The following CDH13 variants were observed in gnomAD, a reference collection of about 807,000 sequenced individuals.
The protein encoded by CDH13 is cadherin 13.
A neutral mutation model predicts 63.8 loss-of-function variants in CDH13; 24 were observed. The observed-to-expected ratio is 0.38, with a 90% CI of 0.27 to 0.53. The LOEUF (loss-of-function observed/expected upper bound fraction) is 0.53, where lower values mean the gene tolerates loss of function less well. CDH13 is among the 20% of genes least tolerant of loss of function. CDH13 has a pLI of 0.85. For missense variants in CDH13, 1,049 were observed against 903.1 expected (o/e 1.16, Z -2.07); for synonymous variants, 503 against 355.3 (o/e 1.42, Z -4.67).
intron 5 of CDH13, among the ~76,000 whole-genome samples, chr16:83,227,711 A>C (rs1013079802): frequency 6.6e-6 from 1 of 152,130 alleles, no homozygotes; most frequent in African/African-American, 2.4e-5. Flanking sequence ...CTTCTCTTCC[A>C]GTCTAGAGAA....
At chr16:83,308,347 A>G (rs373205183) in intron 5 of CDH13, among the ~76,000 whole-genome samples, 2 of 152,202 alleles carry the variant, frequency 1.3e-5, no homozygotes, top group East Asian at 1.9e-4. Context: ...GTTGATCGAG[A>G]AAATATAAAT....
intron 6 of CDH13, among the ~76,000 whole-genome samples, chr16:83,477,688 G>A (rs993578268): frequency 6.6e-6 from 1 of 152,096 alleles, no homozygotes; most frequent in African/African-American, 2.4e-5. Flanking sequence ...GTTGTAATCT[G>A]GAGTACTCAT....
At chr16:82,748,859 C>G (rs1316123439) in intron 1 of CDH13, among the ~76,000 whole-genome samples, 1 of 152,182 alleles carries the variant, frequency 6.6e-6, no homozygotes, top group African/African-American at 2.4e-5. Context: ...AGCAATTTTA[C>G]TTGAACTTTC....
intron 3 of CDH13, among the ~76,000 whole-genome samples, chr16:83,075,372 C>G (rs1444111334): frequency 1.3e-5 from 2 of 152,198 alleles, no homozygotes; most frequent in African/African-American, 4.8e-5. Flanking sequence ...TGAGCTCTCC[C>G]TGTTAGCGCT....
rs74033152 is a variant in CDH13, at chr16:83,104,294, G to T, written c.367-21091G>T. ...TTCAAAGAACACAGTAATCAATGAC[G>T]TGGGGAGACGTGAGACATCGCATAC... On this transcript the variant is annotated intron_variant, in intron 3 of 13. Coordinates refer to ENST00000567109, the MANE Select transcript of CDH13 (RefSeq NM_001257.5). Among the ~76,000 whole-genome samples the T allele has an allele frequency of 3.2e-3, 493 of 152,264 alleles. 4 individuals carry two copies. Among genetic ancestry groups the T allele is most frequent in the African/African-American group, 0.012 (483 of 41,556 alleles).
intron 4 of CDH13, among the ~76,000 whole-genome samples, chr16:83,215,668 A>G (rs762094490): frequency 1.3e-5 from 2 of 151,914 alleles, no homozygotes; most frequent in Admixed American, 6.6e-5. Flanking sequence ...GGGGGCGGGC[A>G]GGACCCATTT....
At chr16:83,215,418 C>A (rs4783336) in intron 4 of CDH13, among the ~76,000 whole-genome samples, 127,729 of 151,418 alleles carry the variant, frequency 0.84, 55,515 homozygotes, top group East Asian at 0.97. Context: ...ATCCAATTTT[C>A]AGTTACTCTT....
chr16:82,641,432 G>C (rs1909382165), intron 1 of CDH13, among the ~76,000 whole-genome samples: 1 of 152,154 alleles, frequency 6.6e-6, no homozygotes, highest in African/African-American at 2.4e-5. Flanking sequence ...TAGAGCTAAT[G>C]GTAACAGAAA....
intron 6 of CDH13, among the ~76,000 whole-genome samples, chr16:83,381,009 T>G (rs867094545): frequency 6.6e-6 from 1 of 152,118 alleles, no homozygotes; most frequent in Non-Finnish European, 1.5e-5. Flanking sequence ...ATTAAATAAC[T>G]ATGTTCCTAT....
intron 5 of CDH13, among the ~76,000 whole-genome samples, chr16:83,300,005 AT>A (rs144187434): frequency 0.014 from 2,178 of 152,278 alleles, 45 homozygotes; most frequent in African/African-American, 0.046. Context: ...AAGTTGTCAA[AT>A]GAGAGCCTCA....
chr16:83,110,504 G>A (rs993755506), intron 3 of CDH13, among the ~76,000 whole-genome samples: 2 of 152,164 alleles, frequency 1.3e-5, no homozygotes, highest in South Asian at 2.1e-4. Context: ...CTTTTACTGG[G>A]CTGGCGAGCT....
Position 83,500,233 on chromosome 16 carries a change from C to CTTCTTCTT in CDH13, c.960+13578_960+13579insTTCTTCTT, listed in dbSNP as rs1567715073. 1.1e-4 allele frequency among the ~76,000 whole-genome samples: 2 copies of CTTCTTCTT among 19,026 alleles called. 1 individual carries two copies. Among genetic ancestry groups the CTTCTTCTT allele is most frequent in the African/African-American group, 3.5e-4 (2 of 5,668 alleles). 12.5% of individuals were successfully genotyped at this position (19,026 alleles called of 152,430 possible). On this transcript the variant is annotated intron_variant, in intron 7 of 13. Coordinates refer to ENST00000567109, the MANE Select transcript of CDH13 (RefSeq NM_001257.5). ...ATTCAGACACTAGTTTCTTTCTTCT[C>CTTCTTCTT]CTTCTTCTTCTTCTTCTTCTTCTTC...
chr16:82,669,085 G>A (rs1042087489), intron 1 of CDH13, among the ~76,000 whole-genome samples: 32 of 152,192 alleles, frequency 2.1e-4, no homozygotes, highest in Non-Finnish European at 4.0e-4. Flanking sequence ...TTGAACCAGA[G>A]AAGCCACAAA....
At chr16:83,001,628 T>C (rs1313550168) in intron 2 of CDH13, among the ~76,000 whole-genome samples, 2 of 152,240 alleles carry the variant, frequency 1.3e-5, no homozygotes, top group East Asian at 1.9e-4. Flanking sequence ...GCCATGTTAA[T>C]GGATGTGCCA....
chr16:82,629,170 C>T (rs968855721), intron 1 of CDH13, among the ~76,000 whole-genome samples: 2 of 152,178 alleles, frequency 1.3e-5, no homozygotes, highest in African/African-American at 4.8e-5. Context: ...AAGGGCTCTG[C>T]GCACGGTTCT....
At position 83,554,408 on chromosome 16, in the gene CDH13, C is replaced by T. The variant is rs1346425571; in HGVS notation, c.961-48046C>T. Among the ~76,000 whole-genome samples, 3 of 151,912 alleles carry T rather than the reference C, an allele frequency of 2.0e-5. No individual in the cohort carries two copies. In the East Asian group the frequency reaches 5.8e-4, roughly 29 times the overall value. On this transcript the variant is annotated intron_variant, in intron 7 of 13. Coordinates refer to ENST00000567109, the MANE Select transcript of CDH13 (RefSeq NM_001257.5). ...AAGGAGCATATAATGGTGATGGAGG[C>T]AACGATAAGTAGGCAATGGAAAGTA...
intron 6 of CDH13, among the ~76,000 whole-genome samples, chr16:83,386,152 G>A (rs1567634961): frequency 1.3e-5 from 2 of 152,216 alleles, no homozygotes; most frequent in East Asian, 1.9e-4. Context: ...ATGAGCTGCT[G>A]TTGTATTTGA....
chr16:83,366,767 G>A (rs2091265251), intron 6 of CDH13, among the ~76,000 whole-genome samples: 1 of 152,094 alleles, frequency 6.6e-6, no homozygotes, highest in Admixed American at 6.5e-5. Context: ...CAGAATTGCT[G>A]GAAAGTCTGA....
intron 6 of CDH13, chr16:83,397,535 A>T (rs183976376): frequency 1.3e-5 from 2 of 152,390 alleles, no homozygotes; most frequent in Admixed American, 1.3e-4. Flanking sequence ...AAGACGCATT[A>T]TTCACTGGAA....
Sources: gnomAD v4.1 joint callset for allele counts (sites outside exome capture counted in the v4.1 genomes callset) on GRCh38, gnomAD v4.1.1 for gene constraint, MANE v1.5 for transcripts, NCBI Gene and HGNC (gene_info 2026-07-23, HGNC 2026-07-21) for gene names.